GBP6: variants seen among roughly 807,000 people sequenced by gnomAD.
GBP6 encodes the protein guanylate-binding protein 6.
GBP6 carries 54 observed loss-of-function variants against 61.5 expected under a neutral mutation model. That is an observed-to-expected ratio of 0.88 (90% CI 0.71 to 1.10). The LOEUF (loss-of-function observed/expected upper bound fraction) is 1.10, where lower values mean the gene tolerates loss of function less well. Among genes scored for constraint, GBP6 ranks in the 50% least tolerant of loss-of-function variants. The pLI, the probability that GBP6 is intolerant of heterozygous loss-of-function variation, is 0.00. For synonymous variants in GBP6, 255 were observed against 273.7 expected (o/e 0.93, Z 0.67); for missense variants, 748 against 752.8 (o/e 0.99, Z 0.07).
chr1:89,381,944 T>C lies in GBP6; in HGVS notation c.1122T>C (p.Asp374=). The change falls in exon 7 of 11, where the codon GAT becomes GAC. Residue 374 remains aspartate (D), a synonymous_variant. Transcript: ENST00000370456. ...TCTTCATGGAGCACTCCTTCAAGGA[T>C]GAAAATCAGGAATTCCAGAAGAAGT... The part of the protein sequence containing the change: ...IAIFMEHSFK[D]ENQEFQKKFM... 6.2e-7 allele frequency: 1 copy of C among 1,611,026 alleles called. No homozygotes were observed. Among genetic ancestry groups the C allele is most frequent in the Non-Finnish European group, 8.5e-7 (1 of 1,177,640 alleles).
Position 89,387,779 on chromosome 1 carries a change from A to C in GBP6, c.*2310A>C, listed in dbSNP as rs1476383388. Reference sequence around the variant, plus strand: ...GAAACCCTGCCTTTACTAAAAATACAAAAATTAACCAAGTGTGGTGGCACA... The same window carrying C: ...GAAACCCTGCCTTTACTAAAAATACCAAAATTAACCAAGTGTGGTGGCACA... On this transcript the variant is annotated 3_prime_UTR_variant, in exon 11 of 11. Coordinates refer to ENST00000370456, the MANE Select transcript of GBP6 (RefSeq NM_198460.3). Among the ~76,000 whole-genome samples the C allele has an allele frequency of 6.6e-6, 1 of 152,206 alleles. No individual in the cohort carries two copies. The highest frequency in any genetic ancestry group is 1.5e-5 in the Non-Finnish European group (1 of 68,040).
Position 89,385,334 on chromosome 1 carries a change from T to C in GBP6, c.1767T>C (p.Asp589=), listed in dbSNP as rs1202503517. 5.0e-6 allele frequency: 8 copies of C among 1,614,050 alleles called. No individual in the cohort carries two copies. Among genetic ancestry groups the C allele is most frequent in the Non-Finnish European group, 6.8e-6 (8 of 1,180,016 alleles). The change falls in exon 11 of 11, where the codon GAT becomes GAC. Residue 589 remains aspartate (D), a synonymous_variant. Coordinates refer to ENST00000370456, the MANE Select transcript of GBP6 (RefSeq NM_198460.3). ...TGATTGATACTACAAAAAATGATGA[T>C]ACTCCCTGGATTGCACGAACCTTGG... is the stretch of plus-strand genomic sequence containing the variant. The part of the protein sequence containing the change: ...KRMIDTTKND[D]TPWIARTLDN...
At chr1:89,379,855 T>G (rs1652914139) in intron 5 of GBP6, among the ~76,000 whole-genome samples, 1 of 152,258 alleles carries the variant, frequency 6.6e-6, no homozygotes, top group South Asian at 2.1e-4. Context: ...ACTACCTTCT[T>G]GGCTGGGCAA....
intron 1 of GBP6, among the ~76,000 whole-genome samples, chr1:89,365,965 G>C (rs1652456684): frequency 6.6e-6 from 1 of 152,114 alleles, no homozygotes; most frequent in Non-Finnish European, 1.5e-5. Flanking sequence ...AGGAAATACA[G>C]GTATCATAGA....
chr1:89,381,610 G>T, intron 6 of GBP6, 84 bp from the exon 7 acceptor site: 3 of 1,379,704 alleles, frequency 2.2e-6, no homozygotes, highest in Non-Finnish European at 3.0e-6. Flanking sequence ...GTATGTAAGT[G>T]CATGTGTGTG....
At chr1:89,382,990 G>A (rs1653026195) in intron 8 of GBP6, 114 bp downstream of exon 8, 9 of 629,796 alleles carry the variant, frequency 1.4e-5, no homozygotes, top group Non-Finnish European at 1.1e-5. Context: ...AGCTTTCAAT[G>A]TCCACTAATT....
chr1:89,382,567 T>TG (rs1467189438), intron 7 of GBP6, 97 bp from the exon 8 acceptor site: 2 of 928,580 alleles, frequency 2.2e-6, no homozygotes, highest in African/African-American at 3.3e-5. Flanking sequence ...GTTTTTCTCA[T>TG]GAGGACCACA....
chr1:89,369,721 C>T, intron 3 of GBP6, 48 bp downstream of exon 3: 1 of 1,570,140 alleles, frequency 6.4e-7, no homozygotes, highest in Non-Finnish European at 8.6e-7. Context: ...AGACGTGATC[C>T]TTGTAATTAA....
At chr1:89,376,184 T>A (rs941029910) in intron 3 of GBP6, among the ~76,000 whole-genome samples, 9 of 152,242 alleles carry the variant, frequency 5.9e-5, no homozygotes, top group Middle Eastern at 3.2e-3. Flanking sequence ...TCACATTTTT[T>A]AAAATTCATT....
At position 89,385,326 on chromosome 1, in the gene GBP6, AATG is replaced by A; in HGVS notation, c.1765_1767del (p.Asp589del). ...TAAACGTATGATTGATACTACAAAA[AATG>A]ATGATACTCCCTGGATTGCACGAAC... On this transcript the variant is annotated inframe_deletion, in exon 11 of 11. Coordinates refer to ENST00000370456, the MANE Select transcript of GBP6 (RefSeq NM_198460.3). 1.2e-6 allele frequency: 2 copies of A among 1,614,184 alleles called. No individual in the cohort carries two copies. The highest frequency in any genetic ancestry group is 1.7e-6 in the Non-Finnish European group (2 of 1,180,020).
chr1:89,379,601 T>A (rs940207931), intron 5 of GBP6, among the ~76,000 whole-genome samples: 1 of 152,234 alleles, frequency 6.6e-6, no homozygotes, highest in African/African-American at 2.4e-5. Flanking sequence ...ATTTTTCTCT[T>A]AAACCCAACA....
chr1:89,381,557 G>T, intron 6 of GBP6, 137 bp from the exon 7 acceptor site: 1 of 718,948 alleles, frequency 1.4e-6, no homozygotes, highest in Non-Finnish European at 2.3e-6. Context: ...AGCAGAAGGA[G>T]GTAGGGATGT....
chr1:89,384,128 C>T lies in GBP6; in HGVS notation c.1504C>T (p.Gln502Ter), dbSNP rs535092116. 5.6e-6 allele frequency: 9 copies of T among 1,613,762 alleles called. No homozygotes were observed. In the Admixed American group the frequency reaches 1.2e-4, roughly 21 times the overall value. ...RAKKEAAEKEQELLKQKLQEQ... is the reference protein window; with the variant it reads ...RAKKEAAEKE ...CAAGAAGGAGGCAGCTGAGAAGGAA[C>T]AGGAACTTTTAAAACAGAAATTACA... The change falls in exon 10 of 11, where the codon CAG becomes TAG. Residue 502 changes from glutamine to a stop codon, truncating the protein, a stop_gained. Transcript: ENST00000370456. LOFTEE classifies it high-confidence loss of function.
chr1:89,370,818 C>T (rs1008559388), intron 3 of GBP6, among the ~76,000 whole-genome samples: 1 of 152,132 alleles, frequency 6.6e-6, no homozygotes, highest in Non-Finnish European at 1.5e-5. Context: ...TTTCTATGCT[C>T]TCTTTTTATT....
At chr1:89,369,372 T>C (rs1388578059) in intron 2 of GBP6, among the ~76,000 whole-genome samples, 174 bp from the exon 3 acceptor site, 1 of 152,204 alleles carries the variant, frequency 6.6e-6, no homozygotes, top group Admixed American at 6.5e-5. Flanking sequence ...TCACATTTAA[T>C]GTCCCTCGCT....
At position 89,385,655 on chromosome 1, in the gene GBP6, C is replaced by T; in HGVS notation, c.*186C>T. On this transcript the variant is annotated 3_prime_UTR_variant, in exon 11 of 11. Transcript: ENST00000370456. ...TTCAAGAGATTCACCTGCCTCAGCC[C>T]CCTAGTAGCTGGGATTATAGGTGTA... 3 of 560,282 alleles carry T rather than the reference C, an allele frequency of 5.4e-6. No homozygotes were observed. Among genetic ancestry groups the T allele is most frequent in the Non-Finnish European group, 9.3e-6 (3 of 321,962 alleles). 34.7% of individuals were successfully genotyped at this position (560,282 alleles called of 1,614,324 possible). A position where few individuals can be genotyped will look rare whatever the true frequency, so the allele number is the denominator to read the frequency against.
chr1:89,383,580 T>A (rs1039509454), intron 8 of GBP6, 72 bp from the exon 9 acceptor site: 3 of 1,085,400 alleles, frequency 2.8e-6, no homozygotes, highest in Admixed American at 2.2e-5. Flanking sequence ...AAGACCATAA[T>A]TGTTCTTGCA....
At chr1:89,381,363 G>A (rs533617184) in intron 6 of GBP6, among the ~76,000 whole-genome samples, 1 of 151,450 alleles carries the variant, frequency 6.6e-6, no homozygotes, top group African/African-American at 2.4e-5. Context: ...GAATAAATGT[G>A]ATATGATTTA....
intron 3 of GBP6, among the ~76,000 whole-genome samples, chr1:89,374,410 G>C (rs1570464813): frequency 1.3e-5 from 2 of 151,984 alleles, no homozygotes; most frequent in Non-Finnish European, 1.5e-5. Context: ...CAGATATCTC[G>C]TTAAAATACT....
Sources: allele counts gnomAD v4.1 joint callset (sites outside exome capture counted in the v4.1 genomes callset), GRCh38; gene constraint gnomAD v4.1.1; transcripts MANE v1.5; gene names NCBI Gene and HGNC (gene_info 2026-07-23, HGNC 2026-07-21).